Variants in USH2A observed in about 807,000 individuals in gnomAD.
The protein encoded by USH2A is usherin.
Under a neutral mutation model 538.9 loss-of-function variants are expected in USH2A, and 443 were observed. The ratio of observed to expected loss-of-function variants is 0.82; its 90% CI spans 0.76 to 0.89. The LOEUF is 0.89. USH2A is among the 40% of genes least tolerant of loss of function. The probability of loss-of-function intolerance (pLI) is 0.00; values close to 1 mark genes in which losing one functional copy is unlikely to be tolerated. For missense variants in USH2A, 6,633 were observed against 6,324.8 expected (o/e 1.05, Z -1.65); for synonymous variants, 2,413 against 2,273.5 (o/e 1.06, Z -1.75).
Position 215,879,167 on chromosome 1 carries a change from C to T in USH2A, c.8224-69G>A, listed in dbSNP as rs997450692. 4.9e-6 allele frequency: 7 copies of T among 1,421,414 alleles called. No homozygotes were observed. In the Admixed American group the frequency reaches 5.0e-5, roughly 10 times the overall value. The allele number at this position is 1,421,414 out of a possible 1,614,324, so 88.1% of individuals were successfully genotyped here. A position where few individuals can be genotyped will look rare whatever the true frequency, so the allele number is the denominator to read the frequency against. On this transcript the variant is annotated intron_variant, in intron 41 of 71. Transcript: ENST00000307340. Reference sequence around the variant, plus strand: ...ATAGAGCAATTGAAGTTCACGAGGCCTAGAATTTTGCTCTTGTTTTCAGTT... The same window carrying T: ...ATAGAGCAATTGAAGTTCACGAGGCTTAGAATTTTGCTCTTGTTTTCAGTT...
intron 44 of USH2A, among the ~76,000 whole-genome samples, chr1:215,850,620 G>C (rs777534834): frequency 6.6e-6 from 1 of 152,138 alleles, no homozygotes; most frequent in Non-Finnish European, 1.5e-5. Context: ...TCCACTGACA[G>C]TACTAGACAG....
intron 35 of USH2A, among the ~76,000 whole-genome samples, chr1:215,981,369 T>G (rs1351880258): frequency 6.6e-6 from 1 of 152,146 alleles, no homozygotes; most frequent in African/African-American, 2.4e-5. Flanking sequence ...TGTGGGCCCT[T>G]ATAGTATATT....
intron 21 of USH2A, among the ~76,000 whole-genome samples, chr1:216,150,619 C>T (rs1209889389): frequency 6.6e-6 from 1 of 152,154 alleles, no homozygotes; most frequent in African/African-American, 2.4e-5. Flanking sequence ...TCCTGAAGAA[C>T]TCATTTACTT....
intron 9 of USH2A, 47 bp downstream of exon 9, chr1:216,321,836 T>A (rs376992128): frequency 6.7e-7 from 1 of 1,497,326 alleles, no homozygotes; most frequent in Non-Finnish European, 9.3e-7. Flanking sequence ...ATAGTCACCA[T>A]CTCTACTATT....
At chr1:216,012,682 T>C (rs950516615) in intron 32 of USH2A, among the ~76,000 whole-genome samples, 1 of 152,128 alleles carries the variant, frequency 6.6e-6, no homozygotes, top group African/African-American at 2.4e-5. Flanking sequence ...GGACTAAAGG[T>C]CTTTTAAAAA....
intron 9 of USH2A, among the ~76,000 whole-genome samples, chr1:216,320,225 C>A (rs956080934): frequency 6.6e-6 from 1 of 151,980 alleles, no homozygotes; most frequent in Non-Finnish European, 1.5e-5. Flanking sequence ...TAGTTCATGG[C>A]TGTTTAGACA....
chr1:216,101,467 A>T (rs979303742), intron 21 of USH2A, among the ~76,000 whole-genome samples: 1 of 152,236 alleles, frequency 6.6e-6, no homozygotes. Context: ...GAAAGTGGAC[A>T]TGCGGTGTGC....
chr1:216,227,725 G>T (rs1273379094), intron 14 of USH2A, among the ~76,000 whole-genome samples: 4 of 152,204 alleles, frequency 2.6e-5, no homozygotes, highest in Non-Finnish European at 4.4e-5. Context: ...GCTTTATTTT[G>T]TCTATGAGCA....
At chr1:216,002,952 T>C (rs528187244) in intron 32 of USH2A, among the ~76,000 whole-genome samples, 22 of 152,224 alleles carry the variant, frequency 1.4e-4, no homozygotes, top group African/African-American at 5.1e-4. Flanking sequence ...CTTTCCCCTA[T>C]AAACTGCATG....
chr1:216,406,367 G>A (rs7544306), intron 3 of USH2A, among the ~76,000 whole-genome samples: 112,767 of 152,072 alleles, frequency 0.74, 41,956 homozygotes, highest in East Asian at 0.84. Context: ...GTTTAATTAA[G>A]AATAAACAAA....
chr1:215,985,295 C>T (rs1667845481), intron 35 of USH2A, among the ~76,000 whole-genome samples: 1 of 152,138 alleles, frequency 6.6e-6, no homozygotes, highest in South Asian at 2.1e-4. Flanking sequence ...TAAATATTGG[C>T]ACTAAGAACA....
chr1:215,978,364 T>C (rs1028558223), intron 35 of USH2A, among the ~76,000 whole-genome samples: 2 of 152,160 alleles, frequency 1.3e-5, no homozygotes, highest in Non-Finnish European at 2.9e-5. Flanking sequence ...CTACTCTTGT[T>C]ATATGTTTCT....
chr1:215,950,479 C>T (rs1478526259), intron 37 of USH2A, among the ~76,000 whole-genome samples: 6 of 150,994 alleles, frequency 4.0e-5, no homozygotes, highest in Admixed American at 6.6e-5. Flanking sequence ...TGACTGCAAG[C>T]CAATAACACA....
chr1:216,299,588 T>A (rs2037174319), intron 9 of USH2A, among the ~76,000 whole-genome samples: 1 of 152,124 alleles, frequency 6.6e-6, no homozygotes, highest in East Asian at 1.9e-4. Context: ...ACTAATGTAT[T>A]AAAAATTGAG....
chr1:215,859,311 G>T lies in USH2A; in HGVS notation c.8845+7696C>A, dbSNP rs146825806. ...GCACTTTGGAAGGCCGAGGCGGGAG[G>T]ATCACGAAGTCAGGAGATTGAGACC... On this transcript the variant is annotated intron_variant, in intron 44 of 71. Coordinates refer to ENST00000307340, the MANE Select transcript of USH2A (RefSeq NM_206933.4). 8.2e-3 allele frequency among the ~76,000 whole-genome samples: 1,255 copies of T among 152,122 alleles called. 58 individuals are homozygous for T. The East Asian group carries it at 0.12, about 15-fold the overall frequency.
chr1:215,988,811 A>ATT (rs1218688152), intron 35 of USH2A, among the ~76,000 whole-genome samples: 9 of 152,216 alleles, frequency 5.9e-5, no homozygotes, highest in African/African-American at 1.9e-4. Flanking sequence ...AGGGCTCATG[A>ATT]AGTATGTACT....
At chr1:216,282,359 C>A (rs1190774098) in intron 11 of USH2A, among the ~76,000 whole-genome samples, 1 of 152,124 alleles carries the variant, frequency 6.6e-6, no homozygotes, top group Non-Finnish European at 1.5e-5. Flanking sequence ...ATAATTTTAG[C>A]TTTTATATTC....
At chr1:215,636,301 T>C (rs1024623790) in intron 69 of USH2A, among the ~76,000 whole-genome samples, 6 of 152,160 alleles carry the variant, frequency 3.9e-5, no homozygotes, top group Admixed American at 2.6e-4. Context: ...CAGGAACAGA[T>C]GGTGACTAAA....
intron 3 of USH2A, among the ~76,000 whole-genome samples, chr1:216,375,875 A>G (rs1377630393): frequency 6.6e-6 from 1 of 152,098 alleles, no homozygotes; most frequent in Admixed American, 6.6e-5. Context: ...ATTTAATTTC[A>G]ATATTGTTGT....
Sources: allele counts gnomAD v4.1 joint callset (sites outside exome capture counted in the v4.1 genomes callset), GRCh38; gene constraint gnomAD v4.1.1; transcripts MANE v1.5; gene names NCBI Gene and HGNC (gene_info 2026-07-23, HGNC 2026-07-21).